Variants in VWF observed in about 807,000 individuals in gnomAD.
VWF encodes the protein von Willebrand factor, also known as Factor VIII related antigen.
In VWF, 176 loss-of-function variants were observed where a neutral mutation model predicts 308.6. The ratio of observed to expected loss-of-function variants is 0.57; its 90% CI spans 0.50 to 0.65. VWF has a LOEUF of 0.65. Ranked by LOEUF, VWF falls within the 30% of genes least tolerant of loss-of-function variation. The pLI is 0.00. For synonymous variants in VWF, 1,385 were observed against 1,443.4 expected (o/e 0.96, Z 0.92); for missense variants, 3,146 against 3,648.2 (o/e 0.86, Z 3.55).
In VWF at chr12:6,018,975, C is replaced by A. The variant is rs144796763; in HGVS notation, c.4443G>T (p.Gly1481=). ...GCCCCAGGGTCGAAACCCCCAAGAG[C>A]CCCGGGCCCACAGTGACTTGTGCCA... ...PDMAQVTVGP[G]LLGVSTLGPK... The change falls in exon 28 of 52, where the codon GGG becomes GGT. Residue 1481 remains glycine (G), a synonymous_variant. Coordinates refer to ENST00000261405, the MANE Select transcript of VWF (RefSeq NM_000552.5). 2,683 of 1,613,908 alleles carry A rather than the reference C, an allele frequency of 1.7e-3. 8 individuals carry two copies. The highest frequency in any genetic ancestry group is 2.0e-3 in the Non-Finnish European group (2,393 of 1,179,850).
intron 44 of VWF, among the ~76,000 whole-genome samples, chr12:5,970,259 C>A (rs974661722): frequency 1.3e-5 from 2 of 152,142 alleles, no homozygotes; most frequent in African/African-American, 4.8e-5. Context: ...TGCCACCACC[C>A]CCCGCTGACC....
chr12:6,042,832 T>G (rs1018631131), intron 18 of VWF, among the ~76,000 whole-genome samples: 4 of 152,218 alleles, frequency 2.6e-5, no homozygotes, highest in Non-Finnish European at 4.4e-5. Context: ...ACAAAAAAGT[T>G]TGTTTCAAAG....
At chr12:6,031,387 T>C in intron 21 of VWF, 57 bp downstream of exon 21, 2 of 1,614,016 alleles carry the variant, frequency 1.2e-6, no homozygotes, top group East Asian at 2.2e-5. Flanking sequence ...AAAATGTTCC[T>C]ATTAAGTGGC....
rs1410447130 is a variant in VWF at position 6,020,318 on chromosome 12, T to C, written c.3675-575A>G. 6.6e-6 allele frequency among the ~76,000 whole-genome samples: 1 copy of C among 152,194 alleles called. No homozygotes were observed. The highest frequency in any genetic ancestry group is 1.5e-5 in the Non-Finnish European group (1 of 68,030). On this transcript the variant is annotated intron_variant, in intron 27 of 51. Transcript: ENST00000261405. This position sits in a 1 kb window ranked among gnomAD's most constrained non-coding sequence, Gnocchi z 4.3. ...AACATTGTAGAAAGATGAATAAAGA[T>C]TCAAAACCCCAGCTTTATCTAGCAG... is the stretch of plus-strand genomic sequence containing the variant.
intron 22 of VWF, 44 bp downstream of exon 22, chr12:6,029,298 C>G (rs749024665): frequency 2.0e-5 from 33 of 1,612,964 alleles, no homozygotes; most frequent in Non-Finnish European, 2.8e-5. Context: ...GAAAACACTC[C>G]AAAGGCCAAG....
chr12:6,014,538 C>T (rs549602090), intron 31 of VWF, among the ~76,000 whole-genome samples: 4 of 152,238 alleles, frequency 2.6e-5, no homozygotes, highest in East Asian at 1.9e-4. Context: ...TTGTTCGTGG[C>T]TTGCATGGAG....
At chr12:6,085,361 A>G (rs773220892) in intron 6 of VWF, among the ~76,000 whole-genome samples, 4 of 152,228 alleles carry the variant, frequency 2.6e-5, no homozygotes, top group Non-Finnish European at 5.9e-5. Context: ...TACTAACCCC[A>G]GACAGTCTTT....
chr12:6,058,333 A>G lies in VWF; in HGVS notation c.1534-289T>C, dbSNP rs1944615316. 6.6e-6 allele frequency among the ~76,000 whole-genome samples: 1 copy of G among 152,218 alleles called. No homozygotes were observed. The highest frequency in any genetic ancestry group is 2.4e-5 in the African/African-American group (1 of 41,468). ...ATCTAAGGATGGAGAAGGGAGGCCC[A>G]AAGAGGCAAAGTGACTTGCCTAAGG... On this transcript the variant is annotated intron_variant, in intron 13 of 51. Coordinates refer to ENST00000261405, the MANE Select transcript of VWF (RefSeq NM_000552.5). This position sits in a 1 kb window ranked among gnomAD's most constrained non-coding sequence, Gnocchi z 4.9.
At position 6,044,388 on chromosome 12, in the gene VWF, C is replaced by T. The variant is rs61748472; in HGVS notation, c.2345G>A (p.Arg782Gln). The T allele has an allele frequency of 1.1e-5, 17 of 1,614,052 alleles. No individual in the cohort carries two copies. Among genetic ancestry groups the T allele is most frequent in the East Asian group, 2.2e-5 (1 of 44,896 alleles). Residue 782 changes from arginine to glutamine, a missense_variant, in exon 18 of 52, where the codon CGG (arginine) becomes CAG (glutamine). Coordinates refer to ENST00000261405, the MANE Select transcript of VWF (RefSeq NM_000552.5). The part of the protein sequence containing the change: ...VKLVCPADNL[R>Q]AEGLECTKTC... ...TTTGGTACACTCGAGCCCTTCAGCCCGCAGGTTGTCAGCGGGACACACCAG... is the reference window on the plus strand; with the variant it reads ...TTTGGTACACTCGAGCCCTTCAGCCTGCAGGTTGTCAGCGGGACACACCAG...
chr12:6,039,906 T>C (rs1459491034), intron 18 of VWF, among the ~76,000 whole-genome samples: 1 of 151,980 alleles, frequency 6.6e-6, no homozygotes, highest in Non-Finnish European at 1.5e-5. Context: ...TTGGGAGATG[T>C]AGCTGCTAGG....
At chr12:6,022,412 T>A (rs1158225425) in intron 26 of VWF, among the ~76,000 whole-genome samples, 3 of 152,088 alleles carry the variant, frequency 2.0e-5, no homozygotes, top group Non-Finnish European at 4.4e-5. Context: ...TAAAATTCAA[T>A]AAAATTCAAA....
intron 40 of VWF, among the ~76,000 whole-genome samples, chr12:5,983,494 T>A (rs1943634327): frequency 6.8e-6 from 1 of 146,396 alleles, no homozygotes; most frequent in African/African-American, 2.5e-5. Context: ...CATACATACA[T>A]ACATACAGGA....
intron 22 of VWF, 108 bp downstream of exon 22, chr12:6,029,234 C>G: frequency 6.9e-7 from 1 of 1,455,142 alleles, no homozygotes; most frequent in South Asian, 1.1e-5. Context: ...GCACCCAACA[C>G]AGGAGCACCT....
At chr12:6,056,733 G>A (rs1365955213) in intron 15 of VWF, 124 bp downstream of exon 15, 2 of 849,204 alleles carry the variant, frequency 2.4e-6, no homozygotes, top group Non-Finnish European at 3.2e-6. Context: ...CTCCCCACCC[G>A]TGTTTGTCAC....
At chr12:5,959,623 T>C (rs1421554928) in intron 47 of VWF, among the ~76,000 whole-genome samples, 2 of 152,034 alleles carry the variant, frequency 1.3e-5, no homozygotes, top group East Asian at 1.9e-4. Context: ...AGTAAATAAA[T>C]GTCAAGATTT....
At chr12:5,957,195 T>C (rs992335682) in intron 47 of VWF, among the ~76,000 whole-genome samples, 14 of 152,344 alleles carry the variant, frequency 9.2e-5, no homozygotes, top group Non-Finnish European at 4.4e-5. Context: ...AGTTGTATAG[T>C]AGACCATACC....
chr12:6,084,080 G>C (rs1944943678), intron 6 of VWF, among the ~76,000 whole-genome samples: 1 of 152,164 alleles, frequency 6.6e-6, no homozygotes, highest in Non-Finnish European at 1.5e-5. Flanking sequence ...AACTTAGATT[G>C]TATAAGTCCT....
chr12:6,022,210 T>C (rs74056789), intron 26 of VWF, among the ~76,000 whole-genome samples, 175 bp from the exon 27 acceptor site: 2,183 of 152,098 alleles, frequency 0.014, 39 homozygotes, highest in African/African-American at 0.046. Context: ...TGCTTGTGCC[T>C]TGATTGATCC....
At chr12:6,039,811 A>G (rs1160792245) in intron 18 of VWF, among the ~76,000 whole-genome samples, 1 of 152,138 alleles carries the variant, frequency 6.6e-6, no homozygotes, top group Non-Finnish European at 1.5e-5. Flanking sequence ...CAGTCTTCAC[A>G]TGGGGCCAGT....
Sources: gnomAD v4.1 joint callset for allele counts (sites outside exome capture counted in the v4.1 genomes callset) on GRCh38, gnomAD v4.1.1 for gene constraint, Gnocchi (gnomAD v3.1) non-coding constraint, MANE v1.5 for transcripts, NCBI Gene and HGNC (gene_info 2026-07-23, HGNC 2026-07-21) for gene names.